The following ABR variants were observed in gnomAD, a reference collection of about 807,000 sequenced individuals.
ABR encodes active breakpoint cluster region-related protein.
Under a neutral mutation model 107.2 loss-of-function variants are expected in ABR, and 35 were observed. That is an observed-to-expected ratio of 0.33 (90% CI 0.25 to 0.43). ABR has a LOEUF of 0.43. Ranked by LOEUF, ABR falls within the 20% of genes least tolerant of loss-of-function variation. ABR has a pLI of 1.00. For synonymous variants in ABR, 498 were observed against 462.0 expected (o/e 1.08, Z -1.00); for missense variants, 815 against 1,115.2 (o/e 0.73, Z 3.83).
At chr17:1,012,207 C>G (rs1408084086) in intron 18 of ABR, 2 of 720,672 alleles carry the variant, frequency 2.8e-6, no homozygotes, top group East Asian at 5.5e-5. Flanking sequence ...CAGGAGAAGC[C>G]TTGGGAACTT....
intron 18 of ABR, 108 bp from the exon 19 acceptor site, chr17:1,012,093 G>C (rs67186058): frequency 0.12 from 180,288 of 1,556,756 alleles, 11,494 homozygotes; most frequent in African/African-American, 0.22. Context: ...CATTTGGGAT[G>C]GAGAGCTGGG....
At chr17:1,141,966 C>A (rs969721189) in intron 1 of ABR, among the ~76,000 whole-genome samples, 1 of 151,970 alleles carries the variant, frequency 6.6e-6, no homozygotes, top group Admixed American at 6.6e-5. Context: ...CCATGTTAGC[C>A]AGGATGGTCT....
At chr17:1,223,134 G>A (rs1217503930) in intron 1 of ABR, among the ~76,000 whole-genome samples, 1 of 151,628 alleles carries the variant, frequency 6.6e-6, no homozygotes, top group African/African-American at 2.4e-5. Flanking sequence ...CTCAGGAGGC[G>A]GAGGTTGCAG....
intron 2 of ABR, among the ~76,000 whole-genome samples, chr17:1,114,469 CAAA>C (rs36105392): frequency 8.5e-5 from 8 of 93,824 alleles, no homozygotes; most frequent in Admixed American, 2.3e-4. Context: ...GACTCTGTCT[CAAA>C]AAAAAAAAAA....
rs143639278 is a variant in ABR at position 1,034,135 on chromosome 17, T to C, written c.1791+15915A>G. 5.7e-3 allele frequency among the ~76,000 whole-genome samples: 860 copies of C among 151,968 alleles called. 8 individuals carry two copies. The highest frequency in any genetic ancestry group is 0.02 in the African/African-American group (814 of 41,430). ...ACACACACCCACCACCACGCCCGGCTAATTTTTGTATTTTTCGCAGAGACG... is the reference window on the plus strand; with the variant it reads ...ACACACACCCACCACCACGCCCGGCCAATTTTTGTATTTTTCGCAGAGACG... On this transcript the variant is annotated intron_variant, in intron 16 of 22. Transcript: ENST00000302538.
chr17:1,016,317 C>CTTTTT (rs151002591), intron 16 of ABR, among the ~76,000 whole-genome samples: 1 of 134,912 alleles, frequency 7.4e-6, no homozygotes, highest in African/African-American at 2.7e-5. Flanking sequence ...CCCAACGTTT[C>CTTTTT]TTTTTTTTTT....
At chr17:1,017,363 C>T (rs973674087) in intron 16 of ABR, among the ~76,000 whole-genome samples, 2 of 152,026 alleles carry the variant, frequency 1.3e-5, no homozygotes, top group Admixed American at 1.3e-4. Flanking sequence ...CTGTCCCCAG[C>T]TCTGTCCCCC....
upstream of ABR, among the ~76,000 whole-genome samples, chr17:1,180,626 C>G (rs1479482569): frequency 2.0e-5 from 3 of 152,190 alleles, no homozygotes; most frequent in East Asian, 3.9e-4. Context: ...GGGCTCCACG[C>G]GTTCCCCTCC....
At chr17:1,183,037 G>A (rs2042184411), upstream of ABR, among the ~76,000 whole-genome samples, 1 of 152,140 alleles carries the variant, frequency 6.6e-6, no homozygotes, top group Admixed American at 6.5e-5. Flanking sequence ...GTCACGCGCT[G>A]GGAAGGAAGG....
At chr17:1,039,907 C>A (rs904615624) in intron 16 of ABR, among the ~76,000 whole-genome samples, 1 of 152,080 alleles carries the variant, frequency 6.6e-6, no homozygotes, top group African/African-American at 2.4e-5. Flanking sequence ...CGGTGTCCCA[C>A]GACAGGGAGC....
chr17:1,174,013 C>T (rs569301794), intron 1 of ABR, among the ~76,000 whole-genome samples: 13 of 152,296 alleles, frequency 8.5e-5, no homozygotes, highest in African/African-American at 2.6e-4. Context: ...AGGAAGGTAC[C>T]GGAATTGTCC....
At chr17:1,181,026 C>A (rs1367932213), upstream of ABR, among the ~76,000 whole-genome samples, 1 of 152,194 alleles carries the variant, frequency 6.6e-6, no homozygotes, top group Non-Finnish European at 1.5e-5. Context: ...ATTTCAGATA[C>A]CGGAGCTGTC....
chr17:1,102,899 G>A (rs1019543644), intron 2 of ABR, among the ~76,000 whole-genome samples: 2 of 152,076 alleles, frequency 1.3e-5, no homozygotes, highest in Non-Finnish European at 2.9e-5. Context: ...TAGTAGAGAT[G>A]GGGTTTCACC....
chr17:1,012,609 C>T (rs1021207542), intron 18 of ABR, 79 bp downstream of exon 18: 20 of 1,029,144 alleles, frequency 1.9e-5, no homozygotes, highest in Non-Finnish European at 2.5e-5. Context: ...TGGGCACCGG[C>T]GGGGAGGGCT....
chr17:1,160,188 A>G (rs1369032120), intron 1 of ABR, among the ~76,000 whole-genome samples: 1 of 151,946 alleles, frequency 6.6e-6, no homozygotes, highest in Non-Finnish European at 1.5e-5. Flanking sequence ...CAGGAGGTGG[A>G]GGCTGCAGTG....
chr17:1,025,220 C>T (rs4246408), intron 16 of ABR, among the ~76,000 whole-genome samples: 55,801 of 149,970 alleles, frequency 0.37, 10,730 homozygotes, highest in Middle Eastern at 0.51. Context: ...CGCTTGAACC[C>T]GGGAGGCGGA....
At chr17:1,116,862 G>A (rs1003584254) in intron 2 of ABR, among the ~76,000 whole-genome samples, 33 of 152,206 alleles carry the variant, frequency 2.2e-4, no homozygotes, top group Admixed American at 2.0e-3. Context: ...CAAGATCCAG[G>A]AAGGGGAGAA....
intron 14 of ABR, among the ~76,000 whole-genome samples, chr17:1,053,311 G>C: frequency 1.1e-5 from 1 of 92,392 alleles, no homozygotes; most frequent in African/African-American, 4.7e-5. Context: ...GGCTGGGGGA[G>C]GGTTCACAGG....
At chr17:1,091,571 C>T (rs1597768969) in intron 4 of ABR, 94 bp downstream of exon 4, 3 of 1,426,752 alleles carry the variant, frequency 2.1e-6, no homozygotes, top group Middle Eastern at 2.5e-4. Context: ...TCAAGGAGTC[C>T]GAGAGGGCTG....
Sources: allele counts gnomAD v4.1 joint callset (sites outside exome capture counted in the v4.1 genomes callset), GRCh38; gene constraint gnomAD v4.1.1; transcripts MANE v1.5; gene names NCBI Gene and HGNC (gene_info 2026-07-23, HGNC 2026-07-21).